C20orf144: variants seen among roughly 807,000 people sequenced by gnomAD.
C20orf144 encodes the protein uncharacterized protein C20orf144.
Under a neutral mutation model 3.8 loss-of-function variants are expected in C20orf144, and 8 were observed. That is an observed-to-expected ratio of 2.11 (90% CI 1.24 to 3.80). The LOEUF (loss-of-function observed/expected upper bound fraction) is 3.80. Ranked by LOEUF, C20orf144 falls within the 30% of genes most tolerant of loss-of-function variation. The pLI is 0.00. For synonymous variants in C20orf144, 126 were observed against 104.1 expected (o/e 1.21, Z -1.28); for missense variants, 289 against 224.5 (o/e 1.29, Z -1.83).
rs1444024874 is a variant in C20orf144 at position 33,663,499 on chromosome 20, C to G, written c.127-33C>G. 4 of 1,591,040 alleles carry G rather than the reference C, an allele frequency of 2.5e-6. No homozygotes were observed. The African/African-American group carries it at 5.5e-5, about 22-fold the overall frequency. On this transcript the variant is annotated intron_variant, in intron 1 of 1. Coordinates refer to ENST00000375222, the MANE Select transcript of C20orf144 (RefSeq NM_080825.4). ...GGGTCGTGGGCTCGGCCCTAGCGCG[C>G]TCTCCCGCCTCACGCCCCTGTTCCA...
At position 33,663,514 on chromosome 20, in the gene C20orf144, C is replaced by T. The variant is rs570613367; in HGVS notation, c.127-18C>T. The T allele has an allele frequency of 9.3e-5, 150 of 1,604,824 alleles. 7 individuals are homozygous for T. In the South Asian group the frequency reaches 1.6e-3, roughly 17 times the overall value. On this transcript the variant is annotated intron_variant, in intron 1 of 1. Coordinates refer to ENST00000375222, the MANE Select transcript of C20orf144 (RefSeq NM_080825.4). ...CCCTAGCGCGCTCTCCCGCCTCACG[C>T]CCCTGTTCCACCCCCAGACCAGGAT...
In C20orf144 at chr20:33,663,879, G is replaced by A. The variant is rs530434940; in HGVS notation, c.*12G>A. ...GCCCGCAGCTTTAAACGCTTGGCCC[G>A]GACCCCGCCCAATAAAGAGTGCGTG... On this transcript the variant is annotated 3_prime_UTR_variant, in exon 2 of 2. Transcript: ENST00000375222. The A allele has an allele frequency of 1.8e-4, 245 of 1,383,330 alleles. No homozygotes were observed. In the African/African-American group the frequency reaches 3.1e-3, roughly 17 times the overall value. 85.7% of individuals were successfully genotyped at this position (1,383,330 alleles called of 1,614,324 possible).
At position 33,663,842 on chromosome 20, in the gene C20orf144, G is replaced by T. The variant is rs1311733400; in HGVS notation, c.437G>T (p.Cys146Phe). Residue 146 changes from cysteine (C) to phenylalanine (F), a missense_variant, in exon 2 of 2, where the codon TGC becomes TTC. By Grantham distance (205) the Cys-to-Phe change is radical (BLOSUM62 -2). Transcript: ENST00000375222. ...GCCGAGGAGCAGCCGCGCAAACGGT[G>T]CCGCTGCCCTCGCCCGCAGCTTTAA... ...GPAEEQPRKR[C>F]RCPRPQL 1.4e-6 allele frequency: 2 copies of T among 1,408,126 alleles called. No individual in the cohort carries two copies. The highest frequency in any genetic ancestry group is 6.9e-5 in the Admixed American group (2 of 28,892). The allele number at this position is 1,408,126 out of a possible 1,614,324, so 87.2% of individuals were successfully genotyped here. A position where few individuals can be genotyped will look rare whatever the true frequency, so the allele number is the denominator to read the frequency against.
intron 1 of C20orf144, chr20:33,662,878 G>A: frequency 5.2e-6 from 1 of 194,100 alleles, no homozygotes; most frequent in Non-Finnish European, 1.1e-5. Flanking sequence ...GGGATGCAGT[G>A]AGCCGTTGAC....
rs1491004226 is a variant in C20orf144 at position 33,663,605 on chromosome 20, C to G, written c.200C>G (p.Ala67Gly). The change falls in exon 2 of 2, where the codon GCG (alanine) becomes GGG (glycine). Residue 67 changes from alanine (A) to glycine (G), a missense_variant. Coordinates refer to ENST00000375222, the MANE Select transcript of C20orf144 (RefSeq NM_080825.4). ...LANAGQRIDYASGAGLGSPAA... is the reference protein window; with the variant it reads ...LANAGQRIDYGSGAGLGSPAA... The stretch of plus-strand genomic sequence containing the variant: ...AACGCTGGGCAACGGATTGACTACG[C>G]GTCCGGCGCTGGGCTGGGCTCCCCG... 8 of 1,610,826 alleles carry G rather than the reference C, an allele frequency of 5.0e-6. No homozygotes were observed. The highest frequency in any genetic ancestry group is 6.8e-6 in the Non-Finnish European group (8 of 1,179,682).
Position 33,662,446 on chromosome 20 carries a change from AC to A in C20orf144, c.103del (p.His35ThrfsTer13), listed in dbSNP as rs1469604149. ...MDKAWWKSFL[N>X]HLTRKKPATR... ...AAGGCCTGGTGGAAATCGTTCCTCA[AC>A]CACCTCACTCGGAAGAAGCCGGCTG... On this transcript the variant is annotated frameshift_variant, in exon 1 of 2. Coordinates refer to ENST00000375222, the MANE Select transcript of C20orf144 (RefSeq NM_080825.4). LOFTEE classifies it low-confidence loss of function (END_TRUNC). The A allele has an allele frequency of 7.1e-6, 11 of 1,551,668 alleles. No individual in the cohort carries two copies. Among genetic ancestry groups the A allele is most frequent in the Non-Finnish European group, 9.6e-6 (11 of 1,147,382 alleles).
In C20orf144 at chr20:33,663,839, G is replaced by A. The variant is rs1043868980; in HGVS notation, c.434G>A (p.Arg145Gln). 1 of 1,401,292 alleles carries A rather than the reference G, an allele frequency of 7.1e-7. No individual in the cohort carries two copies. The highest frequency in any genetic ancestry group is 2.5e-4 in the Middle Eastern group (1 of 3,942). The allele number at this position is 1,401,292 out of a possible 1,614,324, so 86.8% of individuals were successfully genotyped here. The change falls in exon 2 of 2, where the codon CGG becomes CAG. Residue 145 changes from arginine to glutamine, a missense_variant. Physicochemically the swap from Arg to Gln is conservative, Grantham distance 43. Transcript: ENST00000375222. ...CCCGCCGAGGAGCAGCCGCGCAAAC[G>A]GTGCCGCTGCCCTCGCCCGCAGCTT... ...AGPAEEQPRK[R>Q]CRCPRPQL
Position 33,663,894 on chromosome 20 carries a change from A to T in C20orf144, c.*27A>T. 7.3e-7 allele frequency: 1 copy of T among 1,373,162 alleles called. No homozygotes were observed. The highest frequency in any genetic ancestry group is 9.3e-7 in the Non-Finnish European group (1 of 1,070,434). The allele number at this position is 1,373,162 out of a possible 1,614,324, so 85.1% of individuals were successfully genotyped here. A position where few individuals can be genotyped will look rare whatever the true frequency, so the allele number is the denominator to read the frequency against. ...CGCTTGGCCCGGACCCCGCCCAATA[A>T]AGAGTGCGTGGCAACCCTGGCGCCT... On this transcript the variant is annotated 3_prime_UTR_variant, in exon 2 of 2. Coordinates refer to ENST00000375222, the MANE Select transcript of C20orf144 (RefSeq NM_080825.4).
chr20:33,663,668 A>G lies in C20orf144; in HGVS notation c.263A>G (p.Glu88Gly). Reference sequence around the variant, plus strand: ...TTGCGCGGAGCGGGCGAAGGTAGCGAGCGCGAGCCGAGGATGCCGGTACTG... The same window carrying G: ...TTGCGCGGAGCGGGCGAAGGTAGCGGGCGCGAGCCGAGGATGCCGGTACTG... ...PRLRGAGEGSEREPRMPVLLL... is the reference protein window; with the variant it reads ...PRLRGAGEGSGREPRMPVLLL... The change falls in exon 2 of 2, where the codon GAG becomes GGG. Residue 88 changes from glutamate to glycine, a missense_variant. Physicochemically the swap from Glu to Gly is moderately conservative, Grantham distance 98. Coordinates refer to ENST00000375222, the MANE Select transcript of C20orf144 (RefSeq NM_080825.4). The G allele has an allele frequency of 6.4e-7, 1 of 1,573,094 alleles. No homozygotes were observed. The highest frequency in any genetic ancestry group is 1.1e-5 in the South Asian group (1 of 87,912).
At chr20:33,663,284 A>C in intron 1 of C20orf144, 1 of 549,876 alleles carries the variant, frequency 1.8e-6, no homozygotes, top group Non-Finnish European at 3.2e-6. Flanking sequence ...TCAGGAAGTC[A>C]GCCTGGGATG....
chr20:33,663,550 C>T lies in C20orf144; in HGVS notation c.145C>T (p.Leu49Phe), dbSNP rs746108951. 6.2e-7 allele frequency: 1 copy of T among 1,610,856 alleles called. No homozygotes were observed. Among genetic ancestry groups the T allele is most frequent in the African/African-American group, 1.3e-5 (1 of 74,840 alleles). The change falls in exon 2 of 2, where the codon CTC becomes TTC. Residue 49 changes from leucine (L) to phenylalanine (F), a missense_variant. Physicochemically the swap from Leu to Phe is conservative, Grantham distance 22. Coordinates refer to ENST00000375222, the MANE Select transcript of C20orf144 (RefSeq NM_080825.4). ...CCCCCAGACCAGGATCGTGCTGATT[C>T]TCCCCCTGGACAAGCGGCAGCCGCT... ...KKPATRIVLI[L>F]PLDKRQPLAN...
At position 33,663,666 on chromosome 20, in the gene C20orf144, C is replaced by G. The variant is rs767896556; in HGVS notation, c.261C>G (p.Ser87Arg). ...APRLRGAGEG[S>R]EREPRMPVLL... ...GATTGCGCGGAGCGGGCGAAGGTAGCGAGCGCGAGCCGAGGATGCCGGTAC... is the reference window on the plus strand; with the variant it reads ...GATTGCGCGGAGCGGGCGAAGGTAGGGAGCGCGAGCCGAGGATGCCGGTAC... Residue 87 changes from serine (S) to arginine (R), a missense_variant, in exon 2 of 2, where the codon AGC becomes AGG. Coordinates refer to ENST00000375222, the MANE Select transcript of C20orf144 (RefSeq NM_080825.4). 1.3e-6 allele frequency: 2 copies of G among 1,574,294 alleles called. No individual in the cohort carries two copies. The highest frequency in any genetic ancestry group is 2.3e-5 in the South Asian group (2 of 88,016).
rs529396770 is a variant in C20orf144 at position 33,662,632 on chromosome 20, A to G, written c.126+161A>G. On this transcript the variant is annotated intron_variant, in intron 1 of 1. Transcript: ENST00000375222. Reference sequence around the variant, plus strand: ...AATCTCTCCCAAGGATGAGGATCCCAGGAGCCCATATGGGTGTGGATGGGG... The same window carrying G: ...AATCTCTCCCAAGGATGAGGATCCCGGGAGCCCATATGGGTGTGGATGGGG... 1.8e-5 allele frequency: 15 copies of G among 846,296 alleles called. No individual in the cohort carries two copies. In the South Asian group the frequency reaches 2.5e-4, roughly 14 times the overall value. 52.4% of individuals were successfully genotyped at this position (846,296 alleles called of 1,614,324 possible). A position where few individuals can be genotyped will look rare whatever the true frequency, so the allele number is the denominator to read the frequency against.
chr20:33,663,516 C>T lies in C20orf144; in HGVS notation c.127-16C>T. The T allele has an allele frequency of 6.2e-7, 1 of 1,605,766 alleles. No individual in the cohort carries two copies. The highest frequency in any genetic ancestry group is 1.1e-5 in the South Asian group (1 of 90,922). On this transcript the variant is annotated splice_polypyrimidine_tract_variant and intron_variant, in intron 1 of 1. Transcript: ENST00000375222. ...CTAGCGCGCTCTCCCGCCTCACGCC[C>T]CTGTTCCACCCCCAGACCAGGATCG...
chr20:33,662,924 C>T (rs1324248453), intron 1 of C20orf144: 2 of 169,388 alleles, frequency 1.2e-5, no homozygotes, highest in African/African-American at 2.4e-5. Context: ...CACAGCAAGA[C>T]CCTGTTTGAC....
In C20orf144 at chr20:33,663,516, CCT is replaced by C. The variant is rs1482885156; in HGVS notation, c.127-15_127-14del. On this transcript the variant is annotated splice_polypyrimidine_tract_variant and intron_variant, in intron 1 of 1. Transcript: ENST00000375222. ...CTAGCGCGCTCTCCCGCCTCACGCCCCTGTTCCACCCCCAGACCAGGATCGTG... is the reference window on the plus strand; with the variant it reads ...CTAGCGCGCTCTCCCGCCTCACGCCCGTTCCACCCCCAGACCAGGATCGTG... The C allele has an allele frequency of 4.4e-6, 7 of 1,605,648 alleles. No individual in the cohort carries two copies. The highest frequency in any genetic ancestry group is 3.3e-5 in the Admixed American group (2 of 59,864).
In C20orf144 at chr20:33,663,715, G is replaced by A. The variant is rs1467137727; in HGVS notation, c.310G>A (p.Ala104Thr). Residue 104 changes from alanine (A) to threonine (T), a missense_variant, in exon 2 of 2, where the codon GCG (alanine) becomes ACG (threonine). By Grantham distance (58) the Ala-to-Thr change is moderately conservative (BLOSUM62 0). Transcript: ENST00000375222. Reference protein sequence around the residue: ...PVLLLLRRQEARRPEEGGARA... With the variant: ...PVLLLLRRQETRRPEEGGARA... ...ACTGCTGCTGCTGCGGCGGCAAGAG[G>A]CGCGGCGGCCGGAAGAGGGCGGGGC... 9 of 1,528,082 alleles carry A rather than the reference G, an allele frequency of 5.9e-6. No individual in the cohort carries two copies. The highest frequency in any genetic ancestry group is 1.9e-5 in the Admixed American group (1 of 51,302). The allele number at this position is 1,528,082 out of a possible 1,614,324, so 94.7% of individuals were successfully genotyped here.
chr20:33,662,580 T>C (rs1568895101), intron 1 of C20orf144, 109 bp downstream of exon 1: 1 of 1,263,572 alleles, frequency 7.9e-7, no homozygotes, highest in Admixed American at 2.5e-5. Context: ...TATGCAGAAG[T>C]CCTAGGGGGT....
rs756217324 is a variant in C20orf144 at position 33,663,555 on chromosome 20, C to G, written c.150C>G (p.Pro50=). 3.7e-6 allele frequency: 6 copies of G among 1,611,072 alleles called. No individual in the cohort carries two copies. The highest frequency in any genetic ancestry group is 5.1e-6 in the Non-Finnish European group (6 of 1,179,658). ...AGACCAGGATCGTGCTGATTCTCCC[C>G]CTGGACAAGCGGCAGCCGCTGGCCA... The part of the protein sequence containing the change: ...KPATRIVLIL[P]LDKRQPLANA... Residue 50 remains proline, a synonymous_variant, in exon 2 of 2, where the codon CCC becomes CCG. Coordinates refer to ENST00000375222, the MANE Select transcript of C20orf144 (RefSeq NM_080825.4).
Sources: gnomAD v4.1 joint callset for allele counts on GRCh38, gnomAD v4.1.1 for gene constraint, MANE v1.5 for transcripts, NCBI Gene and HGNC (gene_info 2026-07-23, HGNC 2026-07-21) for gene names.